Variants in GRK1 observed in about 807,000 individuals in gnomAD.
GRK1 encodes the protein G protein-coupled receptor kinase 1.
Under a neutral mutation model 41.7 loss-of-function variants are expected in GRK1, and 28 were observed. That is an observed-to-expected ratio of 0.67 (90% CI 0.50 to 0.92). GRK1 has a LOEUF of 0.92. Among genes scored for constraint, GRK1 ranks in the 40% least tolerant of loss-of-function variants. GRK1 has a pLI of 0.00. For synonymous variants in GRK1, 327 were observed against 286.7 expected (o/e 1.14, Z -1.42); for missense variants, 703 against 671.2 (o/e 1.05, Z -0.52).
the GRK1 span, among the ~76,000 whole-genome samples, chr13:113,652,519 G>C: frequency 6.6e-6 from 1 of 152,234 alleles, no homozygotes; most frequent in Non-Finnish European, 1.5e-5. Context: ...TGCTTTAGAA[G>C]GTGCTAAACC....
At chr13:113,734,130 C>G (rs545790797) in intron 6 of GRK1, among the ~76,000 whole-genome samples, 9 of 152,300 alleles carry the variant, frequency 5.9e-5, no homozygotes, top group African/African-American at 1.9e-4. Context: ...CCCTCTAGGA[C>G]CCTGTGGTCA....
the GRK1 span, among the ~76,000 whole-genome samples, chr13:113,661,279 A>T: frequency 4.7e-3 from 714 of 152,308 alleles, 6 homozygotes; most frequent in African/African-American, 0.016. Flanking sequence ...AGGGAAATTT[A>T]AAAATACATG....
chr13:113,733,664 T>C (rs536724370), intron 6 of GRK1, among the ~76,000 whole-genome samples: 3 of 116,428 alleles, frequency 2.6e-5, no homozygotes, highest in South Asian at 2.7e-4. Context: ...TGTGTGTGCG[T>C]GTGTGCACGT....
At chr13:113,733,401 G>A (rs1171432916) in intron 6 of GRK1, among the ~76,000 whole-genome samples, 2 of 152,258 alleles carry the variant, frequency 1.3e-5, no homozygotes, top group Non-Finnish European at 2.9e-5. Context: ...TCAAATGGAG[G>A]CCAGTGGCTC....
At chr13:113,668,292 G>A (rs1001847574) in intron 1 of GRK1, among the ~76,000 whole-genome samples, 1 of 152,236 alleles carries the variant, frequency 6.6e-6, no homozygotes, top group Non-Finnish European at 1.5e-5. Context: ...GTCCCTCCTC[G>A]GAGAGTGACC....
chr13:113,667,731 G>A lies in GRK1; in HGVS notation c.345G>A (p.Leu115=), dbSNP rs1194565676. Residue 115 remains leucine (L), a synonymous_variant, in exon 1 of 7, where the codon CTG becomes CTA. Transcript: ENST00000335678. This position sits in a 1 kb window ranked among gnomAD's most constrained non-coding sequence, Gnocchi z 7.5. ...QKAQTILAQY[L]DPQAKLFCSF... The stretch of plus-strand genomic sequence containing the variant: ...CCCAGACCATCCTGGCCCAGTACCT[G>A]GACCCCCAGGCCAAACTCTTCTGCA... 6.2e-7 allele frequency: 1 copy of A among 1,613,792 alleles called. No individual in the cohort carries two copies. The highest frequency in any genetic ancestry group is 1.7e-5 in the Admixed American group (1 of 60,010).
At chr13:113,670,766 C>T (rs868704972) in intron 2 of GRK1, among the ~76,000 whole-genome samples, 4 of 46,118 alleles carry the variant, frequency 8.7e-5, no homozygotes, top group African/African-American at 2.0e-4. Flanking sequence ...GGTGCCCAGG[C>T]GGAGGGGAGG....
intron 1 of GRK1, among the ~76,000 whole-genome samples, chr13:113,668,440 C>T (rs1243690270): frequency 1.3e-5 from 2 of 152,252 alleles, no homozygotes; most frequent in African/African-American, 4.8e-5. Flanking sequence ...TTTGCCATGA[C>T]TGTGGAAGAC....
At position 113,729,468 on chromosome 13, in the gene GRK1, G is replaced by A. The variant is rs142329231; in HGVS notation, c.1070-1751G>A. On this transcript the variant is annotated intron_variant, in intron 4 of 6. Transcript: ENST00000335678. ...GGGACAGGGGCAGTGAAGGGATCTCGCTAAAAGTACAAACCCACGTGCTCA... is the reference window on the plus strand; with the variant it reads ...GGGACAGGGGCAGTGAAGGGATCTCACTAAAAGTACAAACCCACGTGCTCA... 3.3e-5 allele frequency among the ~76,000 whole-genome samples: 5 copies of A among 152,322 alleles called. No individual in the cohort carries two copies. The East Asian group carries it at 5.8e-4, about 18-fold the overall frequency.
chr13:113,735,213 C>T lies in GRK1; in HGVS notation c.1542C>T (p.Cys514=), dbSNP rs1274195447. Residue 514 remains cysteine (C), a synonymous_variant, in exon 7 of 7, where the codon TGC becomes TGT. Coordinates refer to ENST00000335678, the MANE Select transcript of GRK1 (RefSeq NM_002929.3). The part of the protein sequence containing the change: ...EFFQEFATGN[C]PIPWQEEMIE... Reference sequence around the variant, plus strand: ...TTCAGGAATTTGCCACTGGCAACTGCCCCATCCCCTGGCAGGAGGAGATGA... The same window carrying T: ...TTCAGGAATTTGCCACTGGCAACTGTCCCATCCCCTGGCAGGAGGAGATGA... The T allele has an allele frequency of 6.5e-7, 1 of 1,537,192 alleles. No individual in the cohort carries two copies. Among genetic ancestry groups the T allele is most frequent in the Non-Finnish European group, 8.7e-7 (1 of 1,146,906 alleles).
the GRK1 span, among the ~76,000 whole-genome samples, chr13:113,657,537 G>A: frequency 1.3e-5 from 2 of 152,208 alleles, no homozygotes; most frequent in African/African-American, 4.8e-5. Context: ...CTCGCACAAG[G>A]CGCAGGTGCT....
chr13:113,651,619 C>T, the GRK1 span: 1 of 1,533,992 alleles, frequency 6.5e-7, no homozygotes, highest in Non-Finnish European at 8.8e-7. Context: ...CAGCACGACC[C>T]TGACAAGCTC....
the GRK1 span, chr13:113,649,190 C>T: frequency 1.8e-6 from 1 of 559,382 alleles, no homozygotes; most frequent in Non-Finnish European, 3.0e-6. This position sits in a 1 kb window ranked among gnomAD's most constrained non-coding sequence, Gnocchi z 4.7. Flanking sequence ...CAAGGAAGAA[C>T]TGATACTCGC....
chr13:113,733,724 T>TGC lies in GRK1; in HGVS notation c.1396+645_1396+646dup, dbSNP rs766879350. 1.1e-4 allele frequency among the ~76,000 whole-genome samples: 15 copies of TGC among 135,556 alleles called. 1 individual carries two copies. The highest frequency in any genetic ancestry group is 4.2e-4 in the East Asian group (2 of 4,802). The allele number at this position is 135,556 out of a possible 152,430, so 88.9% of individuals were successfully genotyped here. A position where few individuals can be genotyped will look rare whatever the true frequency, so the allele number is the denominator to read the frequency against. The stretch of plus-strand genomic sequence containing the variant: ...GTGTGCGTGTGTGCGCACGTGTGTG[T>TGC]GCGCGCGTGTGTATGTGTGCATACA... On this transcript the variant is annotated intron_variant, in intron 6 of 6. Coordinates refer to ENST00000335678, the MANE Select transcript of GRK1 (RefSeq NM_002929.3).
At chr13:113,651,823 A>C in the GRK1 span, 4 of 1,451,042 alleles carry the variant, frequency 2.8e-6, no homozygotes, top group Non-Finnish European at 3.7e-6. Context: ...GGCCGGCCCC[A>C]GCCTGGGCTT....
chr13:113,669,707 G>A lies in GRK1; in HGVS notation c.720G>A (p.Lys240=). ...TTCAGGGTGCTATGGTGGAGAAGAA[G>A]ATTCTGATGAAAGTACACAGCAGGT... The part of the protein sequence containing the change: ...KGYQGAMVEK[K]ILMKVHSRFI... The change falls in exon 2 of 7, where the codon AAG becomes AAA. Residue 240 remains lysine, a synonymous_variant. Coordinates refer to ENST00000335678, the MANE Select transcript of GRK1 (RefSeq NM_002929.3). The A allele has an allele frequency of 6.2e-7, 1 of 1,614,018 alleles. No individual in the cohort carries two copies. Among genetic ancestry groups the A allele is most frequent in the South Asian group, 1.1e-5 (1 of 91,078 alleles).
the GRK1 span, chr13:113,654,765 G>C: frequency 6.3e-7 from 1 of 1,593,240 alleles, no homozygotes; most frequent in Non-Finnish European, 8.6e-7. Flanking sequence ...CCGAGGAGGC[G>C]GCAGCCTGGC....
Position 113,735,354 on chromosome 13 carries a change from G to C in GRK1, c.1683G>C (p.Leu561=). The stretch of plus-strand genomic sequence containing the variant: ...CCTCGTCCAAGTCAGGGATGTGTCT[G>C]GTTTCCTAGGTGACGCCCCAGAGTC... The part of the protein sequence containing the change: ...SSSSSKSGMC[L]VS The change falls in exon 7 of 7, where the codon CTG becomes CTC. Residue 561 remains leucine, a synonymous_variant. Coordinates refer to ENST00000335678, the MANE Select transcript of GRK1 (RefSeq NM_002929.3). 15 of 1,498,544 alleles carry C rather than the reference G, an allele frequency of 1.0e-5. No individual in the cohort carries two copies. The highest frequency in any genetic ancestry group is 1.3e-5 in the Non-Finnish European group (15 of 1,124,800). The allele number at this position is 1,498,544 out of a possible 1,614,324, so 92.8% of individuals were successfully genotyped here.
rs2049855611 is a variant in GRK1 at position 113,671,372 on chromosome 13, G to C, written c.828-127G>C. On this transcript the variant is annotated intron_variant, in intron 2 of 6. Transcript: ENST00000335678. This position sits in a 1 kb window ranked among gnomAD's most constrained non-coding sequence, Gnocchi z 4.1. ...CGGGTGTCCTCTGCAGGGACGTAGGGGGGCCAGGCCTCAAAACGACCAGAA... is the reference window on the plus strand; with the variant it reads ...CGGGTGTCCTCTGCAGGGACGTAGGCGGGCCAGGCCTCAAAACGACCAGAA... 5 of 703,054 alleles carry C rather than the reference G, an allele frequency of 7.1e-6. No homozygotes were observed. The South Asian group carries it at 7.8e-5, about 11-fold the overall frequency. 43.6% of individuals were successfully genotyped at this position (703,054 alleles called of 1,614,324 possible).
Sources: allele counts gnomAD v4.1 joint callset (sites outside exome capture counted in the v4.1 genomes callset), GRCh38; gene constraint gnomAD v4.1.1; non-coding constraint Gnocchi (gnomAD v3.1); transcripts MANE v1.5; gene names NCBI Gene and HGNC (gene_info 2026-07-23, HGNC 2026-07-21).